Variants in MED14 observed in about 807,000 individuals in gnomAD.
MED14 encodes the protein mediator of RNA polymerase II transcription subunit 14.
Under a neutral mutation model 109.0 loss-of-function variants are expected in MED14, and 8 were observed. The observed-to-expected ratio is 0.07, with a 90% CI of 0.04 to 0.13. The LOEUF (loss-of-function observed/expected upper bound fraction) is 0.13. MED14 is among the 10% of genes least tolerant of loss of function. The probability of loss-of-function intolerance (pLI) is 1.00; values close to 1 mark genes in which losing one functional copy is unlikely to be tolerated. For missense variants in MED14, 711 were observed against 1,142.4 expected (o/e 0.62, Z 5.44); for synonymous variants, 399 against 408.7 (o/e 0.98, Z 0.29).
intron 23 of MED14, among the ~76,000 whole-genome samples, chrX:40,668,258 C>G (rs899768700): frequency 4.6e-5 from 5 of 109,461 alleles, no homozygotes; most frequent in Non-Finnish European, 9.5e-5. Context: ...TGGCATGTGC[C>G]TGTAATCCCA....
chrX:40,675,757 C>T (rs997272923), intron 21 of MED14, among the ~76,000 whole-genome samples: 1 of 112,043 alleles, frequency 8.9e-6, no homozygotes, highest in Admixed American at 9.4e-5. Flanking sequence ...ACTTTTTAAA[C>T]TAGAAAATAT....
At chrX:40,687,658 A>G (rs1276391858) in intron 16 of MED14, among the ~76,000 whole-genome samples, 2 of 111,245 alleles carry the variant, frequency 1.8e-5, no homozygotes, top group Non-Finnish European at 3.8e-5. Flanking sequence ...CCAAGCCTTC[A>G]CATTAGCAGT....
chrX:40,676,927 T>C (rs1001831497), intron 21 of MED14, among the ~76,000 whole-genome samples: 1 of 111,890 alleles, frequency 8.9e-6, no homozygotes, highest in African/African-American at 3.3e-5. Context: ...TCTTGGGTAG[T>C]ATCTTTACAG....
chrX:40,668,640 C>T lies in MED14; in HGVS notation c.3134-1789G>A, dbSNP rs757838820. On this transcript the variant is annotated intron_variant, in intron 23 of 30. Coordinates refer to ENST00000324817, the MANE Select transcript of MED14 (RefSeq NM_004229.4). ...TCAAATTCTCTACTATAGCAGTCCC[C>T]GCCTTATCCACAGGGGATAGGTTCC... Among the ~76,000 whole-genome samples, 223 of 111,529 alleles carry T rather than the reference C, an allele frequency of 2.0e-3. 1 individual carries two copies. The highest frequency in any genetic ancestry group is 1.9e-3 in the South Asian group (5 of 2,672).
chrX:40,725,331 G>A (rs1931858774), intron 3 of MED14, among the ~76,000 whole-genome samples: 1 of 111,111 alleles, frequency 9.0e-6, no homozygotes, highest in African/African-American at 3.3e-5. Flanking sequence ...CATTCTACAA[G>A]GCCAGTATTA....
intron 26 of MED14, chrX:40,659,894 A>C: frequency 5.2e-6 from 1 of 193,461 alleles, no homozygotes; most frequent in Non-Finnish European, 9.4e-6. Flanking sequence ...GGACTGACCA[A>C]TGTGATAGAA....
rs1930497039 is a variant in MED14 at position 40,691,493 on chromosome X, C to T, written c.1980+690G>A. On this transcript the variant is annotated intron_variant, in intron 15 of 30. Transcript: ENST00000324817. ...AAAGAGACAAGGTCTTGCTATGTTG[C>T]CCAGGCTGGTCTTGAACTCCTAAGC... Among the ~76,000 whole-genome samples, 3 of 111,225 alleles carry T rather than the reference C, an allele frequency of 2.7e-5. No homozygotes were observed. In the Admixed American group the frequency reaches 2.9e-4, roughly 11 times the overall value.
In MED14 at chrX:40,655,101, A is replaced by G. The variant is rs199556425; in HGVS notation, c.3973-41T>C. The G allele has an allele frequency of 4.3e-6, 5 of 1,150,976 alleles. No homozygotes were observed. In the Admixed American group the frequency reaches 9.2e-5, roughly 21 times the overall value. The allele number at this position is 1,150,976 out of a possible 1,213,427, so 94.9% of individuals were successfully genotyped here. On this transcript the variant is annotated intron_variant, in intron 28 of 30. Coordinates refer to ENST00000324817, the MANE Select transcript of MED14 (RefSeq NM_004229.4). Reference sequence around the variant, plus strand: ...AAAATCAAGATAAAGGCATATAAACATTTAAAATCATATTCTAGGTAGGAA... The same window carrying G: ...AAAATCAAGATAAAGGCATATAAACGTTTAAAATCATATTCTAGGTAGGAA...
rs1049888726 is a variant in MED14, at chrX:40,661,322, T to C, written c.3684+1603A>G. On this transcript the variant is annotated intron_variant, in intron 26 of 30. Coordinates refer to ENST00000324817, the MANE Select transcript of MED14 (RefSeq NM_004229.4). ...GTCTCGAACTCCTGGGCTCAAGTGA[T>C]CCGCCTGCCTCAGCCTCCCAAAGTA... is the stretch of plus-strand genomic sequence containing the variant. 6.4e-5 allele frequency among the ~76,000 whole-genome samples: 7 copies of C among 108,550 alleles called. 1 individual carries two copies. The highest frequency in any genetic ancestry group is 2.5e-4 in the African/African-American group (7 of 27,516). 94.3% of individuals were successfully genotyped at this position (108,550 alleles called of 115,157 possible). A position where few individuals can be genotyped will look rare whatever the true frequency, so the allele number is the denominator to read the frequency against.
intron 24 of MED14, 144 bp downstream of exon 24, chrX:40,666,576 A>C (rs1308792283): frequency 1.6e-6 from 1 of 617,840 alleles, no homozygotes; most frequent in Non-Finnish European, 2.6e-6. Flanking sequence ...GGATTAGATA[A>C]ATTTGATTTT....
intron 14 of MED14, 32 bp from the exon 15 acceptor site, chrX:40,692,349 A>T (rs1296706212): frequency 2.3e-5 from 8 of 345,891 alleles, no homozygotes; most frequent in African/African-American, 2.1e-4. Context: ...CAAACAGGTA[A>T]AAAAAAAAAA....
At position 40,658,527 on chromosome X, in the gene MED14, C is replaced by T. The variant is rs187527907; in HGVS notation, c.3972+700G>A. Among the ~76,000 whole-genome samples the T allele has an allele frequency of 2.0e-3, 223 of 110,075 alleles. 1 individual carries two copies. Among genetic ancestry groups the T allele is most frequent in the Middle Eastern group, 4.6e-3 (1 of 217 alleles). ...AATAAAAATGGAAAAAAGTACAAAA[C>T]AGGATGTGTAAATATCATTTCATTT... On this transcript the variant is annotated intron_variant, in intron 28 of 30. Coordinates refer to ENST00000324817, the MANE Select transcript of MED14 (RefSeq NM_004229.4).
chrX:40,708,736 T>C (rs1931235463), intron 10 of MED14, among the ~76,000 whole-genome samples: 1 of 111,929 alleles, frequency 8.9e-6, no homozygotes, highest in Non-Finnish European at 1.9e-5. Context: ...ACTTACTAGG[T>C]AATTAAACTT....
rs982860466 is a variant in MED14 at position 40,688,366 on chromosome X, T to C, written c.2057+88A>G. 1.1e-5 allele frequency: 7 copies of C among 653,835 alleles called. 1 individual carries two copies. In the East Asian group the frequency reaches 2.3e-4, roughly 22 times the overall value. The allele number at this position is 653,835 out of a possible 1,213,427, so 53.9% of individuals were successfully genotyped here. Reference sequence around the variant, plus strand: ...CACAACACCCACAGGTTCTGAACACTGCTTTATGTTGTCTCATGAAAGAGA... The same window carrying C: ...CACAACACCCACAGGTTCTGAACACCGCTTTATGTTGTCTCATGAAAGAGA... On this transcript the variant is annotated intron_variant, in intron 16 of 30. Transcript: ENST00000324817.
intron 21 of MED14, 78 bp downstream of exon 21, chrX:40,679,786 C>T (rs1176851697): frequency 2.1e-5 from 21 of 994,728 alleles, no homozygotes; most frequent in Non-Finnish European, 2.7e-5. Context: ...TTGCTTTTCC[C>T]CATTATTTCC....
At chrX:40,693,030 A>T (rs1930590016) in intron 13 of MED14, 128 bp from the exon 14 acceptor site, 3 of 464,293 alleles carry the variant, frequency 6.5e-6, no homozygotes, top group South Asian at 6.8e-5. Context: ...AAAAGGTTAA[A>T]TCAATCGTAT....
intron 23 of MED14, among the ~76,000 whole-genome samples, chrX:40,669,572 C>G (rs746637764): frequency 1.2e-4 from 14 of 112,140 alleles, no homozygotes; most frequent in South Asian, 3.7e-4. Flanking sequence ...GAGAACTCCC[C>G]CCTCCTTTCT....
intron 7 of MED14, 146 bp from the exon 8 acceptor site, chrX:40,711,447 C>T: frequency 2.4e-6 from 1 of 413,881 alleles, no homozygotes; most frequent in East Asian, 4.1e-5. Flanking sequence ...TCTCCAATGC[C>T]TCATCGTAAA....
chrX:40,656,987 G>A (rs755221693), intron 28 of MED14, among the ~76,000 whole-genome samples: 56 of 111,151 alleles, frequency 5.0e-4, no homozygotes, highest in African/African-American at 1.2e-3. Context: ...TTCTGGGTTC[G>A]AGCGATTCTC....
Sources: gnomAD v4.1 joint callset for allele counts (sites outside exome capture counted in the v4.1 genomes callset) on GRCh38, gnomAD v4.1.1 for gene constraint, MANE v1.5 for transcripts, NCBI Gene and HGNC (gene_info 2026-07-23, HGNC 2026-07-21) for gene names.